GPHN: variants seen among roughly 807,000 people sequenced by gnomAD.
GPHN encodes gephyrin.
In GPHN, 17 loss-of-function variants were observed where a neutral mutation model predicts 95.5. The ratio of observed to expected loss-of-function variants is 0.18; its 90% CI spans 0.12 to 0.27. The LOEUF is 0.27. Among genes scored for constraint, GPHN ranks in the 10% least tolerant of loss-of-function variants. The pLI is 1.00. For synonymous variants in GPHN, 320 were observed against 322.5 expected, an observed-to-expected ratio of 0.99 and a Z score of 0.08; for missense variants, 660 against 978.1, an observed-to-expected ratio of 0.67 and a Z score of 4.34.
intron 4 of GPHN, among the ~76,000 whole-genome samples, chr14:66,826,923 G>A (rs1009655242): frequency 3.9e-5 from 6 of 152,078 alleles, no homozygotes; most frequent in African/African-American, 1.4e-4. Context: ...GACCAGACCA[G>A]CCCCATCCTG....
intron 16 of GPHN, among the ~76,000 whole-genome samples, chr14:67,118,799 C>G (rs1567357881): frequency 1.3e-5 from 2 of 151,830 alleles, no homozygotes; most frequent in African/African-American, 4.8e-5. Context: ...TTATGTCCTA[C>G]TTTTAGGCAA....
chr14:66,885,064 A>G (rs1037293555), intron 5 of GPHN, among the ~76,000 whole-genome samples: 1 of 152,008 alleles, frequency 6.6e-6, no homozygotes, highest in Non-Finnish European at 1.5e-5. Context: ...TAACAACACA[A>G]AACTTATTTT....
At chr14:66,704,963 T>A (rs1311947654) in intron 2 of GPHN, among the ~76,000 whole-genome samples, 2 of 151,834 alleles carry the variant, frequency 1.3e-5, no homozygotes, top group African/African-American at 4.8e-5. Context: ...ATAGACACAA[T>A]AAAAAATGAT....
chr14:67,053,179 T>G (rs1046730799), intron 10 of GPHN, among the ~76,000 whole-genome samples: 2 of 148,666 alleles, frequency 1.3e-5, no homozygotes, highest in South Asian at 2.1e-4. Flanking sequence ...TGGTTTGTTT[T>G]TTTTTTTTTT....
chr14:67,010,970 T>A (rs1846320153), intron 9 of GPHN, among the ~76,000 whole-genome samples: 1 of 152,220 alleles, frequency 6.6e-6, no homozygotes. Flanking sequence ...GGTATTTAGA[T>A]GATATCAAAT....
At chr14:66,712,252 G>C (rs2069714326) in intron 2 of GPHN, among the ~76,000 whole-genome samples, 1 of 152,158 alleles carries the variant, frequency 6.6e-6, no homozygotes, top group African/African-American at 2.4e-5. Flanking sequence ...TCCAGCACCT[G>C]TTGTTTCCTG....
chr14:66,892,614 C>T (rs892154514), intron 5 of GPHN, among the ~76,000 whole-genome samples: 2 of 152,270 alleles, frequency 1.3e-5, no homozygotes, highest in Non-Finnish European at 2.9e-5. Flanking sequence ...ACACTTGCTA[C>T]AACATAAATG....
chr14:66,952,677 T>C (rs2068180993), intron 8 of GPHN, among the ~76,000 whole-genome samples: 1 of 152,138 alleles, frequency 6.6e-6, no homozygotes, highest in African/African-American at 2.4e-5. Context: ...TCTATATCCC[T>C]GCCAGCATTT....
chr14:67,388,815 G>T, the GPHN span, among the ~76,000 whole-genome samples: 1 of 152,036 alleles, frequency 6.6e-6, no homozygotes, highest in Non-Finnish European at 1.5e-5. Context: ...GAGGAACTGG[G>T]ATTACAAGCA....
intron 8 of GPHN, among the ~76,000 whole-genome samples, chr14:66,956,177 T>TA (rs773805504): frequency 4.6e-5 from 7 of 152,192 alleles, no homozygotes; most frequent in Non-Finnish European, 1.0e-4. Context: ...AAGATTAGTG[T>TA]ATTGATATGA....
the GPHN span, among the ~76,000 whole-genome samples, chr14:67,681,827 CAACTAT>C: frequency 6.6e-6 from 1 of 152,130 alleles, no homozygotes; most frequent in Admixed American, 6.5e-5. Context: ...TGTAATGCTA[CAACTAT>C]AAGACTATTA....
chr14:67,731,046 T>C, the GPHN span, among the ~76,000 whole-genome samples: 1 of 152,188 alleles, frequency 6.6e-6, no homozygotes, highest in African/African-American at 2.4e-5. Flanking sequence ...TATTTGTGGG[T>C]TAAATAAAGT....
the GPHN span, among the ~76,000 whole-genome samples, chr14:67,293,051 C>G: frequency 9.9e-5 from 15 of 152,078 alleles, 1 homozygote; most frequent in South Asian, 2.7e-3. Flanking sequence ...ACATTATAAA[C>G]TGAGATAGTG....
intron 10 of GPHN, among the ~76,000 whole-genome samples, chr14:67,057,752 T>TA (rs1315747571): frequency 2.0e-5 from 3 of 152,136 alleles, no homozygotes; most frequent in Admixed American, 2.0e-4. Context: ...GCTGGACTGT[T>TA]ACATTCTTCA....
At chr14:67,051,324 C>T (rs975215135) in intron 10 of GPHN, among the ~76,000 whole-genome samples, 1 of 152,120 alleles carries the variant, frequency 6.6e-6, no homozygotes, top group Non-Finnish European at 1.5e-5. Flanking sequence ...CCACAAGTAT[C>T]AATAGCTGGA....
At chr14:67,100,995 T>C in intron 13 of GPHN, 84 bp downstream of exon 13, 1 of 804,192 alleles carries the variant, frequency 1.2e-6, no homozygotes, top group Non-Finnish European at 2.2e-6. Context: ...CCTATCAGTT[T>C]AGTGGAAATT....
At chr14:66,726,475 T>A (rs561336154) in intron 2 of GPHN, among the ~76,000 whole-genome samples, 1 of 152,374 alleles carries the variant, frequency 6.6e-6, no homozygotes, top group African/African-American at 2.4e-5. Flanking sequence ...TTAATATTTT[T>A]CTGTATTTAA....
At chr14:66,984,992 A>T (rs534726712) in intron 9 of GPHN, among the ~76,000 whole-genome samples, 17 of 151,664 alleles carry the variant, frequency 1.1e-4, no homozygotes, top group East Asian at 1.9e-4. Context: ...GAGTTATTTT[A>T]AAAAAAAAGT....
chr14:66,568,884 C>G (rs543187902), intron 1 of GPHN, among the ~76,000 whole-genome samples: 1 of 152,048 alleles, frequency 6.6e-6, no homozygotes, highest in South Asian at 2.1e-4. Context: ...ATTATTTTGA[C>G]AGTCCATCAT....
Sources: gnomAD v4.1 joint callset for allele counts (sites outside exome capture counted in the v4.1 genomes callset) on GRCh38, gnomAD v4.1.1 for gene constraint, MANE v1.5 for transcripts, NCBI Gene and HGNC (gene_info 2026-07-23, HGNC 2026-07-21) for gene names.